NFILZ: variants seen among roughly 807,000 people sequenced by gnomAD.
The protein encoded by NFILZ is NFIL3 like basic leucine zipper.
intron 3 of NFILZ, among the ~76,000 whole-genome samples, 21 bp from the exon 4 acceptor site, chr19:8,674,530 C>CTTTT (rs34710911): frequency 7.1e-6 from 1 of 140,824 alleles, no homozygotes; most frequent in Non-Finnish European, 1.6e-5. Context: ...CAAAACTAAA[C>CTTTT]TTTTTTTTTT....
chr19:8,660,457 G>GT (rs1438948411), intron 3 of NFILZ, among the ~76,000 whole-genome samples: 1 of 151,944 alleles, frequency 6.6e-6, no homozygotes, highest in African/African-American at 2.4e-5. Context: ...GTTCATCCAC[G>GT]TTGTCTCAAA....
At chr19:8,650,263 G>T (rs1177364172) in intron 3 of NFILZ, among the ~76,000 whole-genome samples, 2 of 151,924 alleles carry the variant, frequency 1.3e-5, no homozygotes, top group Non-Finnish European at 2.9e-5. Flanking sequence ...CATGTCCCCT[G>T]CACCCAGCTT....
At chr19:8,654,247 A>AAC (rs372870225) in intron 3 of NFILZ, among the ~76,000 whole-genome samples, 4 of 151,102 alleles carry the variant, frequency 2.6e-5, no homozygotes, top group African/African-American at 9.7e-5. Flanking sequence ...CAAACAAACA[A>AAC]AAACAAACAA....
At chr19:8,656,252 G>A (rs1025278234) in intron 3 of NFILZ, among the ~76,000 whole-genome samples, 18 of 74,438 alleles carry the variant, frequency 2.4e-4, no homozygotes, top group East Asian at 8.5e-4. Context: ...CCTTCTCCAC[G>A]CAGCCCATCT....
intron 3 of NFILZ, among the ~76,000 whole-genome samples, chr19:8,655,588 G>A (rs1309679287): frequency 6.6e-6 from 1 of 152,176 alleles, no homozygotes; most frequent in Non-Finnish European, 1.5e-5. Flanking sequence ...AGGCTGATGA[G>A]GCTCACGTGG....
intron 3 of NFILZ, among the ~76,000 whole-genome samples, chr19:8,640,298 C>T (rs1267557118): frequency 6.9e-6 from 1 of 144,464 alleles, no homozygotes; most frequent in East Asian, 2.1e-4. Context: ...GTAGCAAGAA[C>T]CTATTGTTCC....
intron 3 of NFILZ, among the ~76,000 whole-genome samples, chr19:8,660,909 G>A (rs1555749032): frequency 6.9e-6 from 1 of 144,856 alleles, no homozygotes; most frequent in African/African-American, 2.6e-5. Context: ...CAAAGTGCTG[G>A]GATTACAGGT....
At chr19:8,660,435 T>G (rs1460551943) in intron 3 of NFILZ, among the ~76,000 whole-genome samples, 1 of 151,974 alleles carries the variant, frequency 6.6e-6, no homozygotes, top group Admixed American at 6.6e-5. Flanking sequence ...TCGGTAATGA[T>G]AAAGTAAGGA....
At chr19:8,636,982 G>C (rs1376630764) in intron 3 of NFILZ, among the ~76,000 whole-genome samples, 1 of 152,162 alleles carries the variant, frequency 6.6e-6, no homozygotes, top group Non-Finnish European at 1.5e-5. Flanking sequence ...CCAAGGGGAA[G>C]ATATAGAAGT....
intron 3 of NFILZ, among the ~76,000 whole-genome samples, chr19:8,651,013 G>A (rs1379800025): frequency 6.6e-6 from 1 of 152,000 alleles, no homozygotes; most frequent in African/African-American, 2.4e-5. Context: ...CATAATAGGT[G>A]TACATATTTA....
intron 3 of NFILZ, among the ~76,000 whole-genome samples, chr19:8,641,053 G>A (rs938723030): frequency 6.6e-6 from 1 of 152,152 alleles, no homozygotes; most frequent in Non-Finnish European, 1.5e-5. Flanking sequence ...CTTTGTAATT[G>A]TAGCATTTGG....
chr19:8,663,744 G>A lies in NFILZ; in HGVS notation c.-163-10807G>A, dbSNP rs978542487. ...TGTTTGTGTGTGTGTGTGTGTGTGT[G>A]TGTGTGTGTGTGTGTGTGTGTGTGT... On this transcript the variant is annotated intron_variant, in intron 3 of 5. Coordinates refer to ENST00000691075, the MANE Select transcript of NFILZ (RefSeq NM_001378600.1). Among the ~76,000 whole-genome samples the A allele has an allele frequency of 1.1e-4, 14 of 121,876 alleles. No homozygotes were observed. In the East Asian group the frequency reaches 5.1e-3, roughly 45 times the overall value. 80.0% of individuals were successfully genotyped at this position (121,876 alleles called of 152,430 possible). A position where few individuals can be genotyped will look rare whatever the true frequency, so the allele number is the denominator to read the frequency against.
intron 3 of NFILZ, among the ~76,000 whole-genome samples, chr19:8,669,068 C>T (rs890555855): frequency 2.6e-5 from 4 of 152,140 alleles, no homozygotes; most frequent in Non-Finnish European, 5.9e-5. Flanking sequence ...CTCAGTCTCC[C>T]GAGTAGCTGG....
At chr19:8,650,031 C>A (rs1271586131) in intron 3 of NFILZ, among the ~76,000 whole-genome samples, 1 of 151,460 alleles carries the variant, frequency 6.6e-6, no homozygotes, top group Non-Finnish European at 1.5e-5. Flanking sequence ...AGGAGAATGG[C>A]GTGAACCCGG....
In NFILZ at chr19:8,650,527, G is replaced by A. The variant is rs550824602; in HGVS notation, c.-164+14781G>A. On this transcript the variant is annotated intron_variant, in intron 3 of 5. Coordinates refer to ENST00000691075, the MANE Select transcript of NFILZ (RefSeq NM_001378600.1). ...AAATTAGCCGGGCGTGGTGGCACGCGCCTGTAATCCCAGCTACTGGGGAGT... is the reference window on the plus strand; with the variant it reads ...AAATTAGCCGGGCGTGGTGGCACGCACCTGTAATCCCAGCTACTGGGGAGT... Among the ~76,000 whole-genome samples the A allele has an allele frequency of 6.6e-5, 10 of 152,086 alleles. No homozygotes were observed. In the South Asian group the frequency reaches 1.0e-3, roughly 16 times the overall value.
At position 8,667,079 on chromosome 19, in the gene NFILZ, AC is replaced by A. The variant is rs1403727298; in HGVS notation, c.-163-7469del. Among the ~76,000 whole-genome samples, 12 of 151,446 alleles carry A rather than the reference AC, an allele frequency of 7.9e-5. 1 individual carries two copies. In the East Asian group the frequency reaches 2.3e-3, roughly 29 times the overall value. ...GCCATCTCTCTCTACCCACTGTCCCACCCTGCCCTGTCAGGGGATGGAAGCC... is the reference window on the plus strand; with the variant it reads ...GCCATCTCTCTCTACCCACTGTCCCACCTGCCCTGTCAGGGGATGGAAGCC... On this transcript the variant is annotated intron_variant, in intron 3 of 5. Coordinates refer to ENST00000691075, the MANE Select transcript of NFILZ (RefSeq NM_001378600.1).
chr19:8,631,620 C>T (rs1392348497), intron 1 of NFILZ, among the ~76,000 whole-genome samples: 1 of 152,100 alleles, frequency 6.6e-6, no homozygotes, highest in African/African-American at 2.4e-5. Context: ...GCAGATTGGC[C>T]CTGTTCTTCT....
intron 3 of NFILZ, among the ~76,000 whole-genome samples, chr19:8,641,138 C>T (rs1052496968): frequency 4.3e-4 from 65 of 152,290 alleles, no homozygotes; most frequent in Admixed American, 1.6e-3. Flanking sequence ...CAACCTCGAC[C>T]TCCCAGGCTC....
intron 2 of NFILZ, 149 bp downstream of exon 2, chr19:8,632,774 G>A (rs1389510633): frequency 1.3e-5 from 2 of 150,834 alleles, no homozygotes; most frequent in Admixed American, 1.3e-4. Flanking sequence ...CCAGGCTGGA[G>A]TGCAGTGGCA....
Sources: gnomAD v4.1 joint callset for allele counts (sites outside exome capture counted in the v4.1 genomes callset) on GRCh38, gnomAD v4.1.1 for gene constraint, MANE v1.5 for transcripts, NCBI Gene and HGNC (gene_info 2026-07-23, HGNC 2026-07-21) for gene names.